RAP1GAP2: variants seen among roughly 807,000 people sequenced by gnomAD.
RAP1GAP2 encodes rap1 GTPase-activating protein 2.
RAP1GAP2 carries 27 observed loss-of-function variants against 95.0 expected under a neutral mutation model. The ratio of observed to expected loss-of-function variants is 0.28; its 90% CI spans 0.21 to 0.39. The LOEUF (loss-of-function observed/expected upper bound fraction) is 0.39. Among genes scored for constraint, RAP1GAP2 ranks in the 10% least tolerant of loss-of-function variants. RAP1GAP2 has a pLI of 1.00. For missense variants in RAP1GAP2, 771 were observed against 970.0 expected (o/e 0.79, Z 2.72); for synonymous variants, 373 against 380.9 (o/e 0.98, Z 0.24).
rs540867483 is a variant in RAP1GAP2 at position 3,031,874 on chromosome 17, G to A, written c.2185-537G>A. 2.0e-3 allele frequency among the ~76,000 whole-genome samples: 285 copies of A among 145,298 alleles called. 2 individuals carry two copies. Among genetic ancestry groups the A allele is most frequent in the Non-Finnish European group, 3.2e-3 (212 of 66,992 alleles). ...CGAGAGCTCCAGGTCCAGATGTGAT[G>A]TGGGAAGGGCTGGTTCCTGGGTCCC... On this transcript the variant is annotated intron_variant, in intron 23 of 24. Coordinates refer to ENST00000254695, the MANE Select transcript of RAP1GAP2 (RefSeq NM_015085.5).
chr17:2,920,590 C>T (rs893859644), intron 3 of RAP1GAP2, among the ~76,000 whole-genome samples: 5 of 152,204 alleles, frequency 3.3e-5, no homozygotes, highest in South Asian at 2.1e-4. Flanking sequence ...CTGTGGACCT[C>T]GGTTTCCTCA....
rs2047408383 is a variant in RAP1GAP2 at position 3,034,181 on chromosome 17, G to C, written c.*820G>C. On this transcript the variant is annotated 3_prime_UTR_variant, in exon 25 of 25. Coordinates refer to ENST00000254695, the MANE Select transcript of RAP1GAP2 (RefSeq NM_015085.5). The surrounding 1 kb of genome is among the most constrained non-coding windows in gnomAD (Gnocchi z 5.1). ...GAGGGGAGGGAGGGGCAGCCCCGAG[G>C]CAGTCTCTTCCCTTTGAGAAGATAT... is the stretch of plus-strand genomic sequence containing the variant. 6.3e-6 allele frequency: 1 copy of C among 158,254 alleles called. No homozygotes were observed. Among genetic ancestry groups the C allele is most frequent in the Non-Finnish European group, 1.4e-5 (1 of 71,248 alleles). The allele number at this position is 158,254 out of a possible 1,614,324, so 9.8% of individuals were successfully genotyped here.
At chr17:2,758,202 G>A (rs1171791713) in intron 1 of RAP1GAP2, among the ~76,000 whole-genome samples, 1 of 127,990 alleles carries the variant, frequency 7.8e-6, no homozygotes, top group Non-Finnish European at 1.6e-5. Context: ...TTAAGATGAA[G>A]TCTACCTCTG....
rs993143519 is a variant in RAP1GAP2 at position 2,893,879 on chromosome 17, C to A, written c.81-11405C>A. 3.9e-5 allele frequency among the ~76,000 whole-genome samples: 6 copies of A among 152,326 alleles called. No individual in the cohort carries two copies. The East Asian group carries it at 1.2e-3, about 29-fold the overall frequency. The stretch of plus-strand genomic sequence containing the variant: ...AGGGGAGGTGGAGCCTCTGCCACCC[C>A]CTGCTTGGCACGCGCTCTTCCCTGA... On this transcript the variant is annotated intron_variant, in intron 2 of 24. Transcript: ENST00000254695.
intron 2 of RAP1GAP2, among the ~76,000 whole-genome samples, chr17:2,810,501 T>G (rs962323489): frequency 2.7e-5 from 4 of 146,868 alleles, no homozygotes; most frequent in African/African-American, 1.0e-4. Flanking sequence ...TTTAATGCTA[T>G]CCCTCCCCTG....
At chr17:3,007,809 G>GGGC in intron 16 of RAP1GAP2, among the ~76,000 whole-genome samples, 1 of 152,162 alleles carries the variant, frequency 6.6e-6, no homozygotes, top group African/African-American at 2.4e-5. Flanking sequence ...AGGGGGAGTA[G>GGGC]AGCAGGAGGC....
chr17:3,009,158 T>A (rs1193690781), intron 17 of RAP1GAP2, among the ~76,000 whole-genome samples: 1 of 152,150 alleles, frequency 6.6e-6, no homozygotes, highest in Non-Finnish European at 1.5e-5. Context: ...TGCAGCTTTC[T>A]TGTCAACAAC....
At chr17:2,979,526 G>T (rs2045269895) in intron 8 of RAP1GAP2, among the ~76,000 whole-genome samples, 1 of 141,846 alleles carries the variant, frequency 7.0e-6, no homozygotes, top group Non-Finnish European at 1.5e-5. Context: ...AAGTGCAGTG[G>T]CACAATCTCG....
chr17:2,836,489 G>C (rs2071135915), intron 2 of RAP1GAP2, among the ~76,000 whole-genome samples: 1 of 151,962 alleles, frequency 6.6e-6, no homozygotes, highest in Non-Finnish European at 1.5e-5. Flanking sequence ...AAAATCAGCT[G>C]GGCATGGTGG....
At chr17:2,907,472 T>TA (rs1326421505) in intron 3 of RAP1GAP2, among the ~76,000 whole-genome samples, 1 of 151,560 alleles carries the variant, frequency 6.6e-6, no homozygotes, top group Non-Finnish European at 1.5e-5. Flanking sequence ...AATGGAAAAA[T>TA]AATGTCAGGA....
At chr17:2,953,764 T>C (rs1355348714) in intron 3 of RAP1GAP2, among the ~76,000 whole-genome samples, 1 of 152,022 alleles carries the variant, frequency 6.6e-6, no homozygotes, top group East Asian at 1.9e-4. Context: ...GGAGAATCGC[T>C]TGAACCCAGG....
At position 2,826,726 on chromosome 17, in the gene RAP1GAP2, G is replaced by C. The variant is rs183027698; in HGVS notation, c.80+26176G>C. On this transcript the variant is annotated intron_variant, in intron 2 of 24. Transcript: ENST00000254695. ...CGTGCAGCATGAAAGGAGGATTTCC[G>C]GCCGGGCGCGGTGGCTCACGCCTGT... 5.1e-3 allele frequency among the ~76,000 whole-genome samples: 775 copies of C among 152,210 alleles called. 8 individuals are homozygous for C. Among genetic ancestry groups the C allele is most frequent in the African/African-American group, 0.017 (722 of 41,546 alleles).
rs568452668 is a variant in RAP1GAP2 at position 2,985,861 on chromosome 17, C to T, written c.813+795C>T. ...TTGAACTTAGTGGTTTCCATACTTA[C>T]GGACACAAACTTCCCATCTTCCCTA... On this transcript the variant is annotated intron_variant, in intron 11 of 24. Coordinates refer to ENST00000254695, the MANE Select transcript of RAP1GAP2 (RefSeq NM_015085.5). Among the ~76,000 whole-genome samples, 74 of 152,188 alleles carry T rather than the reference C, an allele frequency of 4.9e-4. 1 individual carries two copies. The highest frequency in any genetic ancestry group is 1.7e-3 in the African/African-American group (69 of 41,524).
At chr17:2,775,191 C>T (rs1354166689), upstream of RAP1GAP2, among the ~76,000 whole-genome samples, 1 of 152,146 alleles carries the variant, frequency 6.6e-6, no homozygotes, top group Non-Finnish European at 1.5e-5. Context: ...CCATTGTGAT[C>T]CTGCTCTGGG....
Position 2,995,409 on chromosome 17 carries a change from G to C in RAP1GAP2, c.987G>C (p.Arg329Ser). ...CAGTGTACACAACATTCCGGGACAG[G>C]GAGATCATGTTTCACGTTTCCACAA... ...VESVYTTFRD[R>S]EIMFHVSTKL... is the part of the protein sequence containing the mutation. Residue 329 changes from arginine to serine, a missense_variant, in exon 13 of 25, where the codon AGG (arginine) becomes AGC (serine). Transcript: ENST00000254695. The C allele has an allele frequency of 6.2e-7, 1 of 1,614,000 alleles. No homozygotes were observed. The highest frequency in any genetic ancestry group is 8.5e-7 in the Non-Finnish European group (1 of 1,179,878).
At chr17:2,775,220 C>T (rs2068473318), upstream of RAP1GAP2, among the ~76,000 whole-genome samples, 1 of 152,140 alleles carries the variant, frequency 6.6e-6, no homozygotes, top group African/African-American at 2.4e-5. Context: ...TCAAGGAAGA[C>T]CAGGGTACTG....
In RAP1GAP2 at chr17:2,866,939, C is replaced by T. The variant is rs1277493718; in HGVS notation, c.81-38345C>T. ...TTTTAGAGATGGAGTCTCACTCTGTCACCCAGGCTGGAGTGCAGTGGTACA... is the reference window on the plus strand; with the variant it reads ...TTTTAGAGATGGAGTCTCACTCTGTTACCCAGGCTGGAGTGCAGTGGTACA... On this transcript the variant is annotated intron_variant, in intron 2 of 24. Coordinates refer to ENST00000254695, the MANE Select transcript of RAP1GAP2 (RefSeq NM_015085.5). This position sits in a 1 kb window ranked among gnomAD's most constrained non-coding sequence, Gnocchi z 4.0. 1.5e-5 allele frequency among the ~76,000 whole-genome samples: 2 copies of T among 137,906 alleles called. No homozygotes were observed. Among genetic ancestry groups the T allele is most frequent in the Admixed American group, 1.5e-4 (2 of 13,710 alleles). The allele number at this position is 137,906 out of a possible 152,430, so 90.5% of individuals were successfully genotyped here.
At chr17:2,873,531 G>A (rs1441105337) in intron 2 of RAP1GAP2, among the ~76,000 whole-genome samples, 1 of 136,384 alleles carries the variant, frequency 7.3e-6, no homozygotes, top group Non-Finnish European at 1.5e-5. Context: ...GCTGCAGAAA[G>A]GTGTGTAAAG....
intron 8 of RAP1GAP2, among the ~76,000 whole-genome samples, chr17:2,977,792 A>G (rs2045192618): frequency 6.6e-6 from 1 of 150,774 alleles, no homozygotes; most frequent in African/African-American, 2.4e-5. Context: ...CAACCCAGCA[A>G]TTTTATAAGA....
Sources: allele counts gnomAD v4.1 joint callset (sites outside exome capture counted in the v4.1 genomes callset), GRCh38; gene constraint gnomAD v4.1.1; non-coding constraint Gnocchi (gnomAD v3.1); transcripts MANE v1.5; gene names NCBI Gene and HGNC (gene_info 2026-07-23, HGNC 2026-07-21).